OSBP2: variants seen among roughly 807,000 people sequenced by gnomAD.
The protein encoded by OSBP2 is oxysterol-binding protein 2.
In OSBP2, 66 loss-of-function variants were observed where a neutral mutation model predicts 96.0. The observed-to-expected ratio is 0.69, with a 90% CI of 0.56 to 0.84. The LOEUF (loss-of-function observed/expected upper bound fraction) is 0.84. Ranked by LOEUF, OSBP2 falls within the 40% of genes least tolerant of loss-of-function variation. OSBP2 has a pLI of 0.00. For missense variants in OSBP2, 1,038 were observed against 1,222.7 expected (o/e 0.85, Z 2.25); for synonymous variants, 525 against 520.9 (o/e 1.01, Z -0.11).
intron 2 of OSBP2, among the ~76,000 whole-genome samples, chr22:30,822,987 T>C (rs1025082081): frequency 1.3e-5 from 2 of 152,258 alleles, no homozygotes; most frequent in Non-Finnish European, 2.9e-5. Flanking sequence ...ATATAATCTA[T>C]ATCTTTATGA....
chr22:30,825,967 G>A (rs546019537), intron 2 of OSBP2, among the ~76,000 whole-genome samples: 1 of 152,286 alleles, frequency 6.6e-6, no homozygotes, highest in Admixed American at 6.5e-5. Flanking sequence ...ATCAGGGGCG[G>A]ACATACCAGG....
At chr22:30,857,236 G>A (rs552328722) in intron 2 of OSBP2, among the ~76,000 whole-genome samples, 27 of 152,320 alleles carry the variant, frequency 1.8e-4, no homozygotes, top group African/African-American at 6.3e-4. Context: ...GGATGAGGGA[G>A]GCAATGATGG....
intron 2 of OSBP2, among the ~76,000 whole-genome samples, chr22:30,766,913 T>C (rs771123426): frequency 6.6e-6 from 1 of 152,056 alleles, no homozygotes; most frequent in Non-Finnish European, 1.5e-5. Context: ...GAGGGCGCAC[T>C]GCAGTCAGGG....
chr22:30,773,796 A>G (rs1291729664), intron 2 of OSBP2, among the ~76,000 whole-genome samples: 1 of 152,104 alleles, frequency 6.6e-6, no homozygotes, highest in Non-Finnish European at 1.5e-5. Flanking sequence ...AAGTCCTTCC[A>G]AAGGATATCA....
chr22:30,881,628 C>T lies in OSBP2; in HGVS notation c.1108-5798C>T. The T allele has an allele frequency of 7.7e-7, 1 of 1,292,374 alleles. No homozygotes were observed. Among genetic ancestry groups the T allele is most frequent in the South Asian group, 1.2e-5 (1 of 80,706 alleles). 80.1% of individuals were successfully genotyped at this position (1,292,374 alleles called of 1,614,324 possible). Reference sequence around the variant, plus strand: ...GAACCTCCCCCTGCCAGTCCCTCTGCCGGGCCCCAAGCCTAATCCAGCTTA... The same window carrying T: ...GAACCTCCCCCTGCCAGTCCCTCTGTCGGGCCCCAAGCCTAATCCAGCTTA... On this transcript the variant is annotated intron_variant, in intron 3 of 13. Transcript: ENST00000332585. This position sits in a 1 kb window ranked among gnomAD's most constrained non-coding sequence, Gnocchi z 4.5.
chr22:30,854,677 A>G (rs5749176), intron 2 of OSBP2, among the ~76,000 whole-genome samples: 112,663 of 150,758 alleles, frequency 0.75, 42,937 homozygotes, highest in African/African-American at 0.89. Flanking sequence ...ATTTACTCAC[A>G]TATTTATCTT....
chr22:30,808,690 G>T (rs136256), intron 2 of OSBP2, among the ~76,000 whole-genome samples: 1 of 150,666 alleles, frequency 6.6e-6, no homozygotes, highest in African/African-American at 2.5e-5. Flanking sequence ...CGTGGTGGCT[G>T]ACACCTGTAA....
chr22:30,736,028 C>T (rs1343165551), intron 1 of OSBP2, among the ~76,000 whole-genome samples: 2 of 152,148 alleles, frequency 1.3e-5, no homozygotes, highest in African/African-American at 2.4e-5. Context: ...ATTTTCATGC[C>T]TCAGCCTCCC....
chr22:30,845,664 A>T (rs1298975459), intron 2 of OSBP2, among the ~76,000 whole-genome samples: 1 of 151,664 alleles, frequency 6.6e-6, no homozygotes, highest in African/African-American at 2.4e-5. Context: ...TGAGCAGATC[A>T]TGAGGTCAGG....
intron 2 of OSBP2, among the ~76,000 whole-genome samples, chr22:30,819,445 G>A (rs552186953): frequency 1.3e-5 from 2 of 152,332 alleles, no homozygotes; most frequent in East Asian, 3.9e-4. Flanking sequence ...GGCAGCCAGT[G>A]GAGCTGTTAG....
chr22:30,772,511 A>G (rs2145792086), intron 2 of OSBP2, among the ~76,000 whole-genome samples: 1 of 152,234 alleles, frequency 6.6e-6, no homozygotes, highest in South Asian at 2.1e-4. Context: ...ACTCCTGTGC[A>G]GAGATGTTTT....
intron 2 of OSBP2, among the ~76,000 whole-genome samples, chr22:30,819,631 T>G (rs551320136): frequency 6.6e-6 from 1 of 152,246 alleles, no homozygotes; most frequent in Non-Finnish European, 1.5e-5. Flanking sequence ...TGATAGTTTT[T>G]TGATTGTGAC....
chr22:30,886,496 G>T (rs575086947), intron 3 of OSBP2, among the ~76,000 whole-genome samples: 4 of 150,720 alleles, frequency 2.7e-5, no homozygotes, highest in African/African-American at 9.7e-5. Context: ...ATCTCTTCAG[G>T]GTTGGGAGGG....
intron 2 of OSBP2, among the ~76,000 whole-genome samples, chr22:30,841,016 T>C (rs1358016437): frequency 6.6e-6 from 1 of 151,792 alleles, no homozygotes; most frequent in East Asian, 1.9e-4. Context: ...AATACAAAAA[T>C]TAACCAGGTG....
rs145669808 is a variant in OSBP2 at position 30,899,460 on chromosome 22, T to C, written c.2375+5459T>C. 4.9e-3 allele frequency among the ~76,000 whole-genome samples: 730 copies of C among 150,340 alleles called. 1 individual carries two copies. The highest frequency in any genetic ancestry group is 0.017 in the Middle Eastern group (5 of 288). On this transcript the variant is annotated intron_variant, in intron 12 of 13. Transcript: ENST00000332585. ...TAGAAGAAATTGAAAACATGAATAGTCCTATAATAAAGTAACTGAAGCAAT... is the reference window on the plus strand; with the variant it reads ...TAGAAGAAATTGAAAACATGAATAGCCCTATAATAAAGTAACTGAAGCAAT...
intron 3 of OSBP2, among the ~76,000 whole-genome samples, chr22:30,873,031 C>T (rs2039491932): frequency 6.6e-6 from 1 of 152,190 alleles, no homozygotes; most frequent in African/African-American, 2.4e-5. Context: ...ATGCTGCTCC[C>T]ACCTCCAAAC....
Position 30,814,473 on chromosome 22 carries a change from C to T in OSBP2, c.854-55956C>T, listed in dbSNP as rs571735106. Among the ~76,000 whole-genome samples the T allele has an allele frequency of 2.0e-5, 3 of 149,898 alleles. No homozygotes were observed. In the South Asian group the frequency reaches 6.4e-4, roughly 32 times the overall value. ...TTTAAGATGGAGTCTCACTCTGTCACCCAAGCTGGAGGGCAGTGGCTCAAT... is the reference window on the plus strand; with the variant it reads ...TTTAAGATGGAGTCTCACTCTGTCATCCAAGCTGGAGGGCAGTGGCTCAAT... On this transcript the variant is annotated intron_variant, in intron 2 of 13. Transcript: ENST00000332585.
chr22:30,878,367 G>A (rs981774119), intron 3 of OSBP2, among the ~76,000 whole-genome samples: 6 of 152,368 alleles, frequency 3.9e-5, no homozygotes, highest in African/African-American at 1.4e-4. Context: ...GCTGGCGCCC[G>A]TGAGAGTGGG....
intron 2 of OSBP2, among the ~76,000 whole-genome samples, chr22:30,837,350 T>C (rs2038657140): frequency 6.6e-6 from 1 of 151,186 alleles, no homozygotes; most frequent in Non-Finnish European, 1.5e-5. Context: ...AGAGAAGTGG[T>C]TATTTGTGCC....
Sources: gnomAD v4.1 joint callset for allele counts (sites outside exome capture counted in the v4.1 genomes callset) on GRCh38, gnomAD v4.1.1 for gene constraint, Gnocchi (gnomAD v3.1) non-coding constraint, MANE v1.5 for transcripts, NCBI Gene and HGNC (gene_info 2026-07-23, HGNC 2026-07-21) for gene names.